Variants in OR4M1 observed in about 807,000 individuals in gnomAD.
OR4M1 encodes the protein olfactory receptor family 4 subfamily M member 1, also known as olfactory receptor 4M1.
In OR4M1, 7 loss-of-function variants were observed where a neutral mutation model predicts 9.8. That is an observed-to-expected ratio of 0.71 (90% CI 0.41 to 1.34). The LOEUF (loss-of-function observed/expected upper bound fraction) is 1.34. Among genes scored for constraint, OR4M1 ranks in the 40% most tolerant of loss-of-function variants. OR4M1 has a pLI of 0.01. For synonymous variants in OR4M1, 121 were observed against 139.8 expected (o/e 0.87, Z 0.95); for missense variants, 331 against 380.4 (o/e 0.87, Z 1.08).
At chr14:19,776,869 G>T (rs1472389840) in intron 1 of OR4M1, among the ~76,000 whole-genome samples, 6 of 151,830 alleles carry the variant, frequency 4.0e-5, no homozygotes, top group Non-Finnish European at 7.4e-5. Context: ...CCATTGTGGA[G>T]TTCAAATTCC....
rs538557210 is a variant in OR4M1, at chr14:19,782,610, G to A, written c.*1346G>A. The stretch of plus-strand genomic sequence containing the variant: ...GAGGAGGTAATTTATGCCAGACCCA[G>A]TGTACCTCGGATGCACAGGATGGAA... On this transcript the variant is annotated 3_prime_UTR_variant, in exon 2 of 2. Transcript: ENST00000641200. 5.8e-4 allele frequency: 89 copies of A among 152,322 alleles called. No homozygotes were observed. Among genetic ancestry groups the A allele is most frequent in the African/African-American group, 2.0e-3 (84 of 41,578 alleles). The allele number at this position is 152,322 out of a possible 1,614,324, so 9.4% of individuals were successfully genotyped here.
At position 19,783,112 on chromosome 14, in the gene OR4M1, G is replaced by A. The variant is rs150509735; in HGVS notation, c.*1848G>A. On this transcript the variant is annotated 3_prime_UTR_variant, in exon 2 of 2. Coordinates refer to ENST00000641200, the MANE Select transcript of OR4M1 (RefSeq NM_001005500.2). Reference sequence around the variant, plus strand: ...TACAAAGGAAAAAGGCATAAAAACAGTAGTGTGATAACTAATTGCTTACTT... The same window carrying A: ...TACAAAGGAAAAAGGCATAAAAACAATAGTGTGATAACTAATTGCTTACTT... 1.3e-5 allele frequency: 2 copies of A among 152,400 alleles called. No individual in the cohort carries two copies. The highest frequency in any genetic ancestry group is 4.8e-5 in the African/African-American group (2 of 41,580). The allele number at this position is 152,400 out of a possible 1,614,324, so 9.4% of individuals were successfully genotyped here. A position where few individuals can be genotyped will look rare whatever the true frequency, so the allele number is the denominator to read the frequency against.
rs750413154 is a variant in OR4M1, at chr14:19,780,472, G to C, written c.150G>C (p.Arg50Ser). 18 of 1,614,022 alleles carry C rather than the reference G, an allele frequency of 1.1e-5. No homozygotes were observed. The highest frequency in any genetic ancestry group is 1.6e-4 in the Middle Eastern group (1 of 6,082). ...ATATCCTTATCATTTGCACCATCAG[G>C]CTAGACCCTCATCTGACTTCTCCTA... ...PGNILIICTI[R>S]LDPHLTSPMY... is the part of the protein sequence containing the mutation. The change falls in exon 2 of 2, where the codon AGG becomes AGC. Residue 50 changes from arginine (R) to serine (S), a missense_variant. This residue lies in a region of OR4M1 where 209 missense variants were observed against 200.0 expected (regional missense o/e 1.04). Coordinates refer to ENST00000641200, the MANE Select transcript of OR4M1 (RefSeq NM_001005500.2).
intron 1 of OR4M1, 50 bp from the exon 2 acceptor site, chr14:19,780,244 C>T (rs1321969553): frequency 9.9e-6 from 14 of 1,411,588 alleles, no homozygotes; most frequent in Admixed American, 4.5e-5. Context: ...AGTGATATAA[C>T]TCTAGATAAA....
At chr14:19,775,547 A>G (rs1878285666) in intron 1 of OR4M1, among the ~76,000 whole-genome samples, 1 of 147,576 alleles carries the variant, frequency 6.8e-6, no homozygotes, top group South Asian at 2.1e-4. Context: ...TATATATAAT[A>G]TAATATATAT....
At chr14:19,779,820 C>T (rs1357689917) in intron 1 of OR4M1, among the ~76,000 whole-genome samples, 1 of 152,184 alleles carries the variant, frequency 6.6e-6, no homozygotes, top group African/African-American at 2.4e-5. Flanking sequence ...TTTTCTGTAT[C>T]ACAACTAAAA....
Position 19,780,745 on chromosome 14 carries a change from C to T in OR4M1, c.423C>T (p.Cys141=). ...HYATIMNRRL[C]CILVALSWMG... ...CTACCATCATGAATCGACGTCTCTG[C>T]TGTATCCTGGTGGCTCTCTCCTGGA... The change falls in exon 2 of 2, where the codon TGC becomes TGT. Residue 141 remains cysteine, a synonymous_variant. Coordinates refer to ENST00000641200, the MANE Select transcript of OR4M1 (RefSeq NM_001005500.2). 1.2e-6 allele frequency: 2 copies of T among 1,614,246 alleles called. No individual in the cohort carries two copies.
At position 19,782,342 on chromosome 14, in the gene OR4M1, A is replaced by G. The variant is rs1878525892; in HGVS notation, c.*1078A>G. 1 of 152,240 alleles carries G rather than the reference A, an allele frequency of 6.6e-6. No homozygotes were observed. The highest frequency in any genetic ancestry group is 1.5e-5 in the Non-Finnish European group (1 of 68,044). The allele number at this position is 152,240 out of a possible 1,614,324, so 9.4% of individuals were successfully genotyped here. A position where few individuals can be genotyped will look rare whatever the true frequency, so the allele number is the denominator to read the frequency against. ...GGTAGATTAGAACATTTGATTTTAT[A>G]GGTTATGTTTTTTACTTAAATTTAT... On this transcript the variant is annotated 3_prime_UTR_variant, in exon 2 of 2. Coordinates refer to ENST00000641200, the MANE Select transcript of OR4M1 (RefSeq NM_001005500.2).
At position 19,782,624 on chromosome 14, in the gene OR4M1, CACAGGATGGA is replaced by C. The variant is rs1278412657; in HGVS notation, c.*1362_*1371del. The C allele has an allele frequency of 6.6e-6, 1 of 152,186 alleles. No homozygotes were observed. Among genetic ancestry groups the C allele is most frequent in the Non-Finnish European group, 1.5e-5 (1 of 68,022 alleles). 9.4% of individuals were successfully genotyped at this position (152,186 alleles called of 1,614,324 possible). On this transcript the variant is annotated 3_prime_UTR_variant, in exon 2 of 2. Transcript: ENST00000641200. ...TGCCAGACCCAGTGTACCTCGGATG[CACAGGATGGA>C]ATGGTGGTACACAAAGCTTGTTTTT...
At position 19,783,653 on chromosome 14, in the gene OR4M1, C is replaced by G; in HGVS notation, c.*2389C>G. ...TTTTCTTTCAGTTACTTTTAAATGT[C>G]TTTTAATCTCTTTTTTTCTTTCAGT... On this transcript the variant is annotated 3_prime_UTR_variant, in exon 2 of 2. Coordinates refer to ENST00000641200, the MANE Select transcript of OR4M1 (RefSeq NM_001005500.2). 6.6e-6 allele frequency: 1 copy of G among 152,276 alleles called. No individual in the cohort carries two copies. Among genetic ancestry groups the G allele is most frequent in the Non-Finnish European group, 1.5e-5 (1 of 68,060 alleles). The allele number at this position is 152,276 out of a possible 1,614,324, so 9.4% of individuals were successfully genotyped here.
intron 1 of OR4M1, among the ~76,000 whole-genome samples, chr14:19,776,254 C>A (rs1878306482): frequency 6.6e-6 from 1 of 152,180 alleles, no homozygotes; most frequent in African/African-American, 2.4e-5. Context: ...TAGAACATTT[C>A]TTAAAACTCT....
chr14:19,777,131 T>A (rs1878339713), intron 1 of OR4M1, among the ~76,000 whole-genome samples: 1 of 150,556 alleles, frequency 6.6e-6, no homozygotes, highest in East Asian at 1.9e-4. Context: ...AATTGCAAAT[T>A]GTATTAAGCT....
intron 1 of OR4M1, among the ~76,000 whole-genome samples, chr14:19,778,091 G>A (rs1250196239): frequency 5.3e-5 from 8 of 152,200 alleles, no homozygotes; most frequent in African/African-American, 1.9e-4. Flanking sequence ...GAATAAATGT[G>A]ATTGATTTTG....
In OR4M1 at chr14:19,780,670, A is replaced by G. The variant is rs897643709; in HGVS notation, c.348A>G (p.Thr116=). 1 of 1,614,228 alleles carries G rather than the reference A, an allele frequency of 6.2e-7. No homozygotes were observed. Among genetic ancestry groups the G allele is most frequent in the Non-Finnish European group, 8.5e-7 (1 of 1,180,040 alleles). The change falls in exon 2 of 2, where the codon ACA becomes ACG. Residue 116 remains threonine (T), a synonymous_variant. Coordinates refer to ENST00000641200, the MANE Select transcript of OR4M1 (RefSeq NM_001005500.2). Reference sequence around the variant, plus strand: ...GGGCTTCGGAGATGTTCTTGCTCACAGTGATGGCCTATGACCGCTATGCTG... The same window carrying G: ...GGGCTTCGGAGATGTTCTTGCTCACGGTGATGGCCTATGACCGCTATGCTG... ...FVGASEMFLL[T]VMAYDRYAAI...
rs1413280857 is a variant in OR4M1 at position 19,782,284 on chromosome 14, A to G, written c.*1020A>G. On this transcript the variant is annotated 3_prime_UTR_variant, in exon 2 of 2. Transcript: ENST00000641200. ...GACTGATTTCCTATTTTCAAGCACT[A>G]AAAACTCACTCTCCAAGCTTCTGAA... The G allele has an allele frequency of 1.3e-5, 2 of 152,262 alleles. No homozygotes were observed. Among genetic ancestry groups the G allele is most frequent in the Non-Finnish European group, 2.9e-5 (2 of 68,044 alleles). 9.4% of individuals were successfully genotyped at this position (152,262 alleles called of 1,614,324 possible).
At chr14:19,776,906 C>T (rs1465466292) in intron 1 of OR4M1, among the ~76,000 whole-genome samples, 1 of 151,130 alleles carries the variant, frequency 6.6e-6, no homozygotes, top group Non-Finnish European at 1.5e-5. Flanking sequence ...ATGACAATAA[C>T]AACATATGAT....
chr14:19,780,662 T>G lies in OR4M1; in HGVS notation c.340T>G (p.Leu114Val). ...CTTTGTTGGGGCTTCGGAGATGTTC[T>G]TGCTCACAGTGATGGCCTATGACCG... ...LHFVGASEMF[L>V]LTVMAYDRYA... The change falls in exon 2 of 2, where the codon TTG becomes GTG. Residue 114 changes from leucine to valine, a missense_variant. Leu to Val is a conservative substitution (Grantham distance 32). Coordinates refer to ENST00000641200, the MANE Select transcript of OR4M1 (RefSeq NM_001005500.2). 6.2e-7 allele frequency: 1 copy of G among 1,614,262 alleles called. No individual in the cohort carries two copies. Among genetic ancestry groups the G allele is most frequent in the Non-Finnish European group, 8.5e-7 (1 of 1,180,044 alleles).
At chr14:19,775,823 G>A (rs1025458402) in intron 1 of OR4M1, among the ~76,000 whole-genome samples, 1 of 145,554 alleles carries the variant, frequency 6.9e-6, no homozygotes, top group East Asian at 1.9e-4. Flanking sequence ...TAATAATAAA[G>A]TATATTAAAA....
chr14:19,778,526 A>AT (rs1159319975), intron 1 of OR4M1, among the ~76,000 whole-genome samples: 2 of 152,246 alleles, frequency 1.3e-5, no homozygotes, highest in Non-Finnish European at 2.9e-5. Flanking sequence ...ACTACATGGC[A>AT]TAATAGCAAA....
Sources: allele counts gnomAD v4.1 joint callset (sites outside exome capture counted in the v4.1 genomes callset), GRCh38; gene constraint gnomAD v4.1.1; regional missense constraint gnomAD v4.1.1; transcripts MANE v1.5; gene names NCBI Gene and HGNC (gene_info 2026-07-23, HGNC 2026-07-21).